Variants in TSHZ3 observed in about 807,000 individuals in gnomAD.
TSHZ3 encodes the protein teashirt zinc finger homeobox 3, also known as teashirt homolog 3.
A neutral mutation model predicts 64.5 loss-of-function variants in TSHZ3; 10 were observed. The ratio of observed to expected loss-of-function variants is 0.16; its 90% CI spans 0.10 to 0.26. The LOEUF (loss-of-function observed/expected upper bound fraction) is 0.26, where lower values mean the gene tolerates loss of function less well. TSHZ3 is among the 10% of genes least tolerant of loss of function. The pLI, the probability that TSHZ3 is intolerant of heterozygous loss-of-function variation, is 1.00. For missense variants in TSHZ3, 1,242 were observed against 1,421.7 expected (o/e 0.87, Z 2.03); for synonymous variants, 608 against 593.1 (o/e 1.03, Z -0.36).
chr19:31,268,917 C>G (rs934845200), intron 1 of TSHZ3, among the ~76,000 whole-genome samples: 4 of 152,142 alleles, frequency 2.6e-5, no homozygotes, highest in African/African-American at 7.2e-5. Flanking sequence ...TCAACAGACA[C>G]AGTCTCTTGT....
At chr19:31,161,703 G>A (rs1471164651) in intron 5 of TSHZ3, among the ~76,000 whole-genome samples, 1 of 152,208 alleles carries the variant, frequency 6.6e-6, no homozygotes, top group African/African-American at 2.4e-5. Flanking sequence ...TCAGGCAGAC[G>A]TGCAGTTTGC....
chr19:31,344,898 T>G (rs1051266804), intron 1 of TSHZ3, among the ~76,000 whole-genome samples: 2 of 152,236 alleles, frequency 1.3e-5, no homozygotes, highest in African/African-American at 4.8e-5. Flanking sequence ...GAATCGCTGC[T>G]GAGGCATCAG....
At chr19:31,350,196 G>T (rs1398896555), upstream of TSHZ3, among the ~76,000 whole-genome samples, 3 of 150,534 alleles carry the variant, frequency 2.0e-5, no homozygotes, top group Non-Finnish European at 4.5e-5. Context: ...CCACGGGCAG[G>T]CCCCCTCCAG....
At chr19:31,176,929 C>T (rs1974617197) in intron 5 of TSHZ3, among the ~76,000 whole-genome samples, 1 of 152,180 alleles carries the variant, frequency 6.6e-6, no homozygotes, top group East Asian at 1.9e-4. Context: ...TCATGCCCTG[C>T]TGGTGGAAAT....
chr19:31,173,275 TAC>T (rs1974562460), intron 5 of TSHZ3, among the ~76,000 whole-genome samples: 1 of 152,122 alleles, frequency 6.6e-6, no homozygotes, highest in Admixed American at 6.5e-5. Flanking sequence ...GTCTGAGAGA[TAC>T]AGAGGAGACA....
chr19:31,240,798 G>C (rs1975678350), intron 3 of TSHZ3, among the ~76,000 whole-genome samples: 2 of 151,922 alleles, frequency 1.3e-5, no homozygotes, highest in Admixed American at 6.5e-5. Context: ...TCTTCTGTTA[G>C]GTTCATCTGG....
chr19:31,171,654 G>A (rs1275131276), intron 5 of TSHZ3, among the ~76,000 whole-genome samples: 1 of 151,770 alleles, frequency 6.6e-6, no homozygotes, highest in Admixed American at 6.6e-5. Context: ...GGACAATTAG[G>A]CCTGTTTCAA....
chr19:31,350,371 G>A (rs2145210444), upstream of TSHZ3, among the ~76,000 whole-genome samples: 1 of 151,662 alleles, frequency 6.6e-6, no homozygotes, highest in East Asian at 2.0e-4. Context: ...GTTCCTTCAA[G>A]TTTCCTCTCC....
intron 1 of TSHZ3, among the ~76,000 whole-genome samples, chr19:31,268,026 T>C (rs866064357): frequency 6.6e-6 from 1 of 152,144 alleles, no homozygotes; most frequent in Non-Finnish European, 1.5e-5. Context: ...TGGGAGGTAA[T>C]TGAATCATGG....
chr19:31,331,180 G>C (rs1195834509), intron 1 of TSHZ3, among the ~76,000 whole-genome samples: 1 of 152,138 alleles, frequency 6.6e-6, no homozygotes, highest in East Asian at 1.9e-4. Context: ...GATTCAGAGG[G>C]CACGCGGGGA....
intron 1 of TSHZ3, among the ~76,000 whole-genome samples, chr19:31,331,824 G>A (rs4805680): frequency 6.6e-6 from 1 of 152,274 alleles, no homozygotes; most frequent in Non-Finnish European, 1.5e-5. Flanking sequence ...CTGCACCTTC[G>A]TAAGGAGGGG....
At chr19:31,248,928 T>C (rs1023104844) in intron 1 of TSHZ3, among the ~76,000 whole-genome samples, 1 of 152,106 alleles carries the variant, frequency 6.6e-6, no homozygotes, top group Non-Finnish European at 1.5e-5. Context: ...CTATTAATCC[T>C]AAATCAAAGG....
chr19:31,266,215 G>A (rs1379308591), intron 1 of TSHZ3, among the ~76,000 whole-genome samples: 1 of 152,086 alleles, frequency 6.6e-6, no homozygotes, highest in East Asian at 1.9e-4. Context: ...GAGAGAGACT[G>A]TATCTCTCAA....
At chr19:31,303,965 C>CT (rs970925684) in intron 1 of TSHZ3, among the ~76,000 whole-genome samples, 6 of 140,012 alleles carry the variant, frequency 4.3e-5, no homozygotes, top group African/African-American at 1.7e-4. Context: ...AGTCCTCACT[C>CT]TTTTTTTTAT....
chr19:31,278,231 TCAAGCCCCC>T lies in TSHZ3; in HGVS notation c.1553_1561del (p.Gly518_Leu520del). 7.4e-6 allele frequency: 12 copies of T among 1,614,212 alleles called. No individual in the cohort carries two copies. The highest frequency in any genetic ancestry group is 1.0e-5 in the Non-Finnish European group (12 of 1,180,040). ...TGTGTTTTCCAAGGATTTGAGGATA[TCAAGCCCCC>T]CCTTGGGACTCTCTTCTAAGTCATT... is the stretch of plus-strand genomic sequence containing the variant. On this transcript the variant is annotated inframe_deletion, in exon 2 of 2. Transcript: ENST00000240587. The surrounding 1 kb of genome is among the most constrained non-coding windows in gnomAD (Gnocchi z 4.7).
chr19:31,297,707 C>A (rs1976689248), intron 1 of TSHZ3, among the ~76,000 whole-genome samples: 1 of 152,096 alleles, frequency 6.6e-6, no homozygotes, highest in African/African-American at 2.4e-5. Context: ...GCCTTCAACT[C>A]CTCAGCCCCT....
chr19:31,316,243 A>G (rs1764107767), intron 1 of TSHZ3, among the ~76,000 whole-genome samples: 1 of 152,116 alleles, frequency 6.6e-6, no homozygotes, highest in African/African-American at 2.4e-5. Context: ...TGCCTTTCCC[A>G]TTTTCCAGGG....
intron 1 of TSHZ3, among the ~76,000 whole-genome samples, chr19:31,311,717 C>A (rs1224309728): frequency 6.6e-6 from 1 of 152,128 alleles, no homozygotes; most frequent in Non-Finnish European, 1.5e-5. Flanking sequence ...AGCAGAGCCA[C>A]CCCTCTTTAT....
chr19:31,238,687 C>G (rs753677683), intron 3 of TSHZ3, among the ~76,000 whole-genome samples: 15 of 152,208 alleles, frequency 9.9e-5, no homozygotes, highest in Non-Finnish European at 1.9e-4. Context: ...TCCACCTTCT[C>G]TAATACCCAT....
Sources: gnomAD v4.1 joint callset for allele counts (sites outside exome capture counted in the v4.1 genomes callset) on GRCh38, gnomAD v4.1.1 for gene constraint, Gnocchi (gnomAD v3.1) non-coding constraint, MANE v1.5 for transcripts, NCBI Gene and HGNC (gene_info 2026-07-23, HGNC 2026-07-21) for gene names.